The following WDR27 variants were observed in gnomAD, a reference collection of about 807,000 sequenced individuals.
WDR27 encodes WD repeat-containing protein 27.
Under a neutral mutation model 114.4 loss-of-function variants are expected in WDR27, and 100 were observed. The ratio of observed to expected loss-of-function variants is 0.87; its 90% confidence interval spans 0.74 to 1.03. The LOEUF (loss-of-function observed/expected upper bound fraction) is 1.03. Among genes scored for constraint, WDR27 ranks in the 50% least tolerant of loss-of-function variants. WDR27 has a pLI of 0.00. For synonymous variants in WDR27, 449 were observed against 423.1 expected (o/e 1.06, Z -0.75); for missense variants, 1,129 against 1,092.9 (o/e 1.03, Z -0.47).
chr6:169,488,889 C>G, intron 25 of WDR27, among the ~76,000 whole-genome samples: 1 of 149,076 alleles, frequency 6.7e-6, no homozygotes, highest in East Asian at 2.0e-4. Context: ...GTATAGGTCA[C>G]ATTAATGTAA....
At position 169,684,764 on chromosome 6, in the gene WDR27, C is replaced by T. The variant is rs142118051; in HGVS notation, c.189+4053G>A. ...ATGGGCCACCCCTAATGGGCATGCCCGCAGCCAGCTGAGCAGCCTTGTGCC... is the reference window on the plus strand; with the variant it reads ...ATGGGCCACCCCTAATGGGCATGCCTGCAGCCAGCTGAGCAGCCTTGTGCC... On this transcript the variant is annotated intron_variant, in intron 2 of 25. Transcript: ENST00000448612. The surrounding 1 kb of genome is among the most constrained non-coding windows in gnomAD (Gnocchi z 4.3). 2.3e-3 allele frequency among the ~76,000 whole-genome samples: 356 copies of T among 152,322 alleles called. 5 individuals are homozygous for T. The highest frequency in any genetic ancestry group is 0.022 in the South Asian group (108 of 4,822).
At chr6:169,540,431 CT>C (rs66671017) in intron 25 of WDR27, among the ~76,000 whole-genome samples, 84,944 of 144,726 alleles carry the variant, frequency 0.59, 26,380 homozygotes, top group East Asian at 0.71. Context: ...TGAATAGAAT[CT>C]TTTTTTTTTT....
chr6:169,466,278 T>C (rs1583593251), intron 25 of WDR27, among the ~76,000 whole-genome samples: 4 of 152,278 alleles, frequency 2.6e-5, no homozygotes, highest in Admixed American at 2.6e-4. Flanking sequence ...ATTAGTCTGT[T>C]TTCACACTGC....
intron 25 of WDR27, among the ~76,000 whole-genome samples, chr6:169,523,520 T>A (rs1794628290): frequency 6.6e-6 from 1 of 152,042 alleles, no homozygotes; most frequent in Non-Finnish European, 1.5e-5. Flanking sequence ...CCACGATGAA[T>A]ATAGATGTGA....
the WDR27 span, among the ~76,000 whole-genome samples, chr6:169,437,937 T>C: frequency 6.6e-6 from 1 of 152,120 alleles, no homozygotes; most frequent in African/African-American, 2.4e-5. Flanking sequence ...TCAGCGGGTA[T>C]ATGTTCAGGT....
Position 169,645,036 on chromosome 6 carries a change from T to TA in WDR27, c.1658-1251dup, listed in dbSNP as rs369797685. Among the ~76,000 whole-genome samples, 612 of 76,978 alleles carry TA rather than the reference T, an allele frequency of 8.0e-3. 35 individuals are homozygous for TA. Among genetic ancestry groups the TA allele is most frequent in the Non-Finnish European group, 0.012 (494 of 40,020 alleles). 50.5% of individuals were successfully genotyped at this position (76,978 alleles called of 152,430 possible). On this transcript the variant is annotated intron_variant, in intron 16 of 25. Coordinates refer to ENST00000448612, the MANE Select transcript of WDR27 (RefSeq NM_182552.5). ...AAAAAAAAAAAATAAAAAAAAAAAA[T>TA]AAAAAAAAAAAAAAAAAAAAAAGAA... is the stretch of plus-strand genomic sequence containing the variant.
chr6:169,470,137 T>A (rs765739306), intron 25 of WDR27, among the ~76,000 whole-genome samples: 5 of 152,250 alleles, frequency 3.3e-5, no homozygotes, highest in Non-Finnish European at 7.3e-5. Flanking sequence ...ACACAGATGA[T>A]CTTTCCTCCA....
intron 25 of WDR27, among the ~76,000 whole-genome samples, chr6:169,479,327 C>G (rs1270285532): frequency 6.6e-6 from 1 of 152,042 alleles, no homozygotes; most frequent in Non-Finnish European, 1.5e-5. Flanking sequence ...TAAATCAAAA[C>G]TACAATGAGA....
intron 24 of WDR27, among the ~76,000 whole-genome samples, chr6:169,576,865 T>C (rs554057670): frequency 6.6e-6 from 1 of 151,966 alleles, no homozygotes; most frequent in South Asian, 2.1e-4. Context: ...ATGTACCAAG[T>C]ACTTTACAGG....
At chr6:169,493,323 CA>C (rs1283728234) in intron 25 of WDR27, among the ~76,000 whole-genome samples, 1 of 151,966 alleles carries the variant, frequency 6.6e-6, no homozygotes, top group East Asian at 1.9e-4. Flanking sequence ...GGAAGATAAA[CA>C]ATCACAATCT....
chr6:169,448,390 C>CTG, the WDR27 span, among the ~76,000 whole-genome samples: 15 of 80,358 alleles, frequency 1.9e-4, no homozygotes, highest in Non-Finnish European at 3.1e-4. Flanking sequence ...GTCTCTGTCT[C>CTG]TATGTGTGTG....
At chr6:169,661,756 C>T (rs1826175238) in intron 9 of WDR27, among the ~76,000 whole-genome samples, 1 of 152,194 alleles carries the variant, frequency 6.6e-6, no homozygotes, top group South Asian at 2.1e-4. Flanking sequence ...CAGCTCTGCA[C>T]AGAGACAAAG....
intron 25 of WDR27, among the ~76,000 whole-genome samples, chr6:169,554,996 TATAAC>T (rs1205489736): frequency 1.3e-5 from 2 of 152,184 alleles, no homozygotes; most frequent in African/African-American, 4.8e-5. Context: ...AATAACTAGT[TATAAC>T]ATAAGAACAT....
the WDR27 span, among the ~76,000 whole-genome samples, chr6:169,437,727 T>G: frequency 6.6e-6 from 1 of 152,202 alleles, no homozygotes; most frequent in Non-Finnish European, 1.5e-5. Flanking sequence ...TGTATTTTTA[T>G]GTCATTAATA....
chr6:169,597,325 T>A (rs374388493), intron 23 of WDR27, among the ~76,000 whole-genome samples: 2 of 151,556 alleles, frequency 1.3e-5, no homozygotes, highest in East Asian at 3.9e-4. Context: ...CATAGTATTG[T>A]TTCTATTATG....
chr6:169,643,756 GCCAACCCA>G lies in WDR27; in HGVS notation c.1680_1687del (p.Gly561GlnfsTer8), dbSNP rs766976855. 42 of 1,613,390 alleles carry G rather than the reference GCCAACCCA, an allele frequency of 2.6e-5. No individual in the cohort carries two copies. The stretch of plus-strand genomic sequence containing the variant: ...ATCAAAAACGAGTAACAGATGGTTG[GCCAACCCA>G]CAGGCCAGCCACTGCCCATCTCCTG... On this transcript the variant is annotated frameshift_variant, in exon 17 of 26. Transcript: ENST00000448612. LOFTEE classifies it high-confidence loss of function.
chr6:169,604,622 CA>C (rs1221503626), intron 22 of WDR27, among the ~76,000 whole-genome samples: 3 of 151,966 alleles, frequency 2.0e-5, no homozygotes, highest in Admixed American at 2.0e-4. Flanking sequence ...ACTCTGATAC[CA>C]AAACCAGACA....
chr6:169,583,329 T>C (rs1803847002), intron 23 of WDR27, among the ~76,000 whole-genome samples: 1 of 151,014 alleles, frequency 6.6e-6, no homozygotes, highest in Non-Finnish European at 1.5e-5. Flanking sequence ...AGATGCTCTA[T>C]TGTCCTCCCC....
At chr6:169,516,832 CA>C (rs1562522040) in intron 25 of WDR27, among the ~76,000 whole-genome samples, 10 of 151,566 alleles carry the variant, frequency 6.6e-5, no homozygotes, top group African/African-American at 2.2e-4. Flanking sequence ...CACACACACA[CA>C]CACCCCTCCC....
Sources: gnomAD v4.1 joint callset for allele counts (sites outside exome capture counted in the v4.1 genomes callset) on GRCh38, gnomAD v4.1.1 for gene constraint, Gnocchi (gnomAD v3.1) non-coding constraint, MANE v1.5 for transcripts, NCBI Gene and HGNC (gene_info 2026-07-23, HGNC 2026-07-21) for gene names.